Variants in CLIP2 observed in about 807,000 individuals in gnomAD.
CLIP2 encodes CAP-Gly domain containing linker protein 2.
In CLIP2, 41 loss-of-function variants were observed where a neutral mutation model predicts 111.7. The observed-to-expected ratio is 0.37, with a 90% CI of 0.29 to 0.48. CLIP2 has a LOEUF of 0.48. CLIP2 is among the 20% of genes least tolerant of loss of function. The pLI, the probability that CLIP2 is intolerant of heterozygous loss-of-function variation, is 0.99. For missense variants in CLIP2, 1,160 were observed against 1,422.1 expected (o/e 0.82, Z 2.96); for synonymous variants, 660 against 644.2 (o/e 1.02, Z -0.37).
chr7:74,304,300 G>A (rs543393738), intron 1 of CLIP2, among the ~76,000 whole-genome samples: 2 of 152,150 alleles, frequency 1.3e-5, no homozygotes, highest in Non-Finnish European at 2.9e-5. Context: ...GCCAAGGCAG[G>A]TGGATCACCT....
intron 2 of CLIP2, among the ~76,000 whole-genome samples, chr7:74,331,392 G>A (rs1290309170): frequency 6.6e-6 from 1 of 151,478 alleles, no homozygotes; most frequent in Non-Finnish European, 1.5e-5. Context: ...GAGATATGGA[G>A]GATGGTGGAG....
intron 5 of CLIP2, 82 bp downstream of exon 5, chr7:74,356,705 T>C: frequency 7.8e-7 from 1 of 1,283,666 alleles, no homozygotes; most frequent in Non-Finnish European, 1.1e-6. Context: ...TGTTCTGGTC[T>C]GCCCCTGACT....
chr7:74,355,034 C>A (rs1790108841), intron 4 of CLIP2, among the ~76,000 whole-genome samples: 1 of 152,058 alleles, frequency 6.6e-6, no homozygotes, highest in South Asian at 2.1e-4. Context: ...GTAAGTGGAC[C>A]ATGTCTGTCA....
chr7:74,384,180 A>G (rs1791018198), intron 11 of CLIP2, among the ~76,000 whole-genome samples: 3 of 151,888 alleles, frequency 2.0e-5, no homozygotes, highest in Non-Finnish European at 4.4e-5. Context: ...ACAGAGTGAG[A>G]CTCCATCTCA....
At chr7:74,383,997 T>C (rs781882749) in intron 11 of CLIP2, among the ~76,000 whole-genome samples, 1 of 152,152 alleles carries the variant, frequency 6.6e-6, no homozygotes, top group Non-Finnish European at 1.5e-5. Flanking sequence ...GAGACCAGCC[T>C]GGTCAAAATG....
chr7:74,373,885 G>T (rs1399668430), intron 9 of CLIP2, among the ~76,000 whole-genome samples: 2 of 152,080 alleles, frequency 1.3e-5, no homozygotes, highest in African/African-American at 4.8e-5. Flanking sequence ...AAGGGGTGGG[G>T]CTTTTGAGGG....
At chr7:74,331,516 G>C (rs1789277025) in intron 2 of CLIP2, among the ~76,000 whole-genome samples, 2 of 141,662 alleles carry the variant, frequency 1.4e-5, no homozygotes, top group Non-Finnish European at 3.1e-5. Context: ...GGATCAATTT[G>C]TTTCTTTCTT....
chr7:74,345,884 G>C (rs1789785625), intron 3 of CLIP2, among the ~76,000 whole-genome samples: 2 of 152,054 alleles, frequency 1.3e-5, no homozygotes, highest in Non-Finnish European at 2.9e-5. Context: ...GAGGAAGAAA[G>C]AAATATTTAG....
rs59746973 is a variant in CLIP2 at position 74,376,927 on chromosome 7, G to A, written c.2421+105G>A. On this transcript the variant is annotated intron_variant, in intron 10 of 16. Coordinates refer to ENST00000223398, the MANE Select transcript of CLIP2 (RefSeq NM_003388.5). This position sits in a 1 kb window ranked among gnomAD's most constrained non-coding sequence, Gnocchi z 7.1. ...CCCAGGAAGCATTTCCCTTGTCCCC[G>A]AGAGCATGCCTGGGGCAGTCAAGGA... 0.04 allele frequency: 46,403 copies of A among 1,163,566 alleles called. 3,375 individuals carry two copies. The highest frequency in any genetic ancestry group is 0.31 in the East Asian group (11,983 of 38,860). 72.1% of individuals were successfully genotyped at this position (1,163,566 alleles called of 1,614,324 possible).
intron 4 of CLIP2, among the ~76,000 whole-genome samples, chr7:74,354,453 A>G (rs985208732): frequency 1.3e-5 from 2 of 152,088 alleles, no homozygotes; most frequent in African/African-American, 2.4e-5. Context: ...GTCTCTACTA[A>G]AAATACAAAA....
At chr7:74,364,811 C>T (rs1199596383) in intron 8 of CLIP2, 3 of 452,430 alleles carry the variant, frequency 6.6e-6, no homozygotes, top group African/African-American at 6.0e-5. Flanking sequence ...CACTTGAGCC[C>T]AGAAGTTCAA....
intron 8 of CLIP2, among the ~76,000 whole-genome samples, chr7:74,365,438 G>C (rs782224410): frequency 1.3e-4 from 20 of 152,142 alleles, no homozygotes; most frequent in Non-Finnish European, 2.5e-4. Context: ...GGCTCCTCCT[G>C]TCTGTTTCCC....
chr7:74,291,738 C>T (rs1554725401), intron 1 of CLIP2, among the ~76,000 whole-genome samples: 1 of 152,104 alleles, frequency 6.6e-6, no homozygotes, highest in African/African-American at 2.4e-5. Context: ...TGACCCGGCA[C>T]CTGCTGTTCT....
At chr7:74,325,154 T>G (rs1354543073) in intron 2 of CLIP2, among the ~76,000 whole-genome samples, 1 of 152,188 alleles carries the variant, frequency 6.6e-6, no homozygotes, top group Non-Finnish European at 1.5e-5. Context: ...GGGCCTGGAC[T>G]GGTGCCCTTG....
At chr7:74,356,654 T>G in intron 5 of CLIP2, 31 bp downstream of exon 5, 1 of 1,583,230 alleles carries the variant, frequency 6.3e-7, no homozygotes. Flanking sequence ...GGGGATTCTC[T>G]GGTGTGCGTT....
chr7:74,322,685 G>A (rs1161616430), intron 2 of CLIP2, among the ~76,000 whole-genome samples: 3 of 152,138 alleles, frequency 2.0e-5, no homozygotes, highest in African/African-American at 7.2e-5. Context: ...TGGAATTACA[G>A]GCGTGAGCCA....
chr7:74,295,943 C>T (rs35184374), intron 1 of CLIP2, among the ~76,000 whole-genome samples: 22,165 of 142,228 alleles, frequency 0.16, 1,976 homozygotes, highest in African/African-American at 0.27. Flanking sequence ...GAGCTATGAT[C>T]GTGCCACTGC....
intron 2 of CLIP2, among the ~76,000 whole-genome samples, chr7:74,323,906 G>A (rs1350087565): frequency 6.6e-6 from 1 of 152,178 alleles, no homozygotes; most frequent in African/African-American, 2.4e-5. Flanking sequence ...GCCTAATGAT[G>A]CATTTCTCAG....
At chr7:74,387,800 G>C (rs1336923284) in intron 12 of CLIP2, among the ~76,000 whole-genome samples, 1 of 152,218 alleles carries the variant, frequency 6.6e-6, no homozygotes, top group African/African-American at 2.4e-5. Context: ...CAGCTGCTGT[G>C]CTTGGCGAGG....
Sources: gnomAD v4.1 joint callset for allele counts (sites outside exome capture counted in the v4.1 genomes callset) on GRCh38, gnomAD v4.1.1 for gene constraint, Gnocchi (gnomAD v3.1) non-coding constraint, MANE v1.5 for transcripts, NCBI Gene and HGNC (gene_info 2026-07-23, HGNC 2026-07-21) for gene names.